The following NRK variants were observed in gnomAD, a reference collection of about 807,000 sequenced individuals.
NRK encodes the protein nik-related protein kinase.
Under a neutral mutation model 125.2 loss-of-function variants are expected in NRK, and 67 were observed. That is an observed-to-expected ratio of 0.54 (90% CI 0.44 to 0.66). The LOEUF (loss-of-function observed/expected upper bound fraction) is 0.66. NRK is among the 30% of genes least tolerant of loss of function. The pLI is 0.00. For synonymous variants in NRK, 458 were observed against 429.0 expected (o/e 1.07, Z -0.84); for missense variants, 1,224 against 1,192.9 (o/e 1.03, Z -0.38).
At chrX:105,857,839 C>T (rs913716100) in intron 2 of NRK, among the ~76,000 whole-genome samples, 15 of 111,526 alleles carry the variant, frequency 1.3e-4, no homozygotes, top group Non-Finnish European at 2.4e-4. Flanking sequence ...TGCGCATAAA[C>T]AAGATTTCCT....
chrX:105,826,344 A>AT (rs778089522), intron 1 of NRK, among the ~76,000 whole-genome samples: 1 of 85,581 alleles, frequency 1.2e-5, no homozygotes, highest in East Asian at 3.5e-4. Flanking sequence ...GATAATATAT[A>AT]GTATATACAT....
At chrX:105,867,147 G>T (rs1385070868) in intron 2 of NRK, among the ~76,000 whole-genome samples, 1 of 111,861 alleles carries the variant, frequency 8.9e-6, no homozygotes, top group Non-Finnish European at 1.9e-5. Flanking sequence ...CTTCAATTTA[G>T]ATTTTAAATT....
At chrX:105,887,761 A>G (rs1046676494) in intron 4 of NRK, among the ~76,000 whole-genome samples, 1 of 112,117 alleles carries the variant, frequency 8.9e-6, no homozygotes, top group Non-Finnish European at 1.9e-5. Flanking sequence ...CTACTGAGAC[A>G]TAAAGTGGAT....
intron 2 of NRK, among the ~76,000 whole-genome samples, chrX:105,875,511 T>C (rs1181797331): frequency 9.0e-6 from 1 of 111,575 alleles, no homozygotes; most frequent in East Asian, 2.8e-4. Context: ...TTAGCTAATA[T>C]TGAGTTTCAT....
chrX:105,843,995 GTGTGTGTGTGTGTGTGTGTGTGTC>G (rs1458766488), intron 2 of NRK, among the ~76,000 whole-genome samples: 2 of 88,116 alleles, frequency 2.3e-5, no homozygotes, highest in Admixed American at 1.1e-4. Context: ...GTGTGTGTGT[GTGTGTGTGTGTGTGTGTGTGTGTC>G]TGTGTGTGTG....
intron 4 of NRK, among the ~76,000 whole-genome samples, chrX:105,886,783 A>G (rs982747130): frequency 5.5e-5 from 6 of 109,759 alleles, no homozygotes; most frequent in Non-Finnish European, 9.5e-5. Context: ...AATAAATAAA[A>G]TGTGAAAAAA....
intron 4 of NRK, among the ~76,000 whole-genome samples, chrX:105,887,438 G>A (rs1602640664): frequency 8.9e-6 from 1 of 112,102 alleles, no homozygotes; most frequent in East Asian, 2.8e-4. Flanking sequence ...AAGTGTTGGT[G>A]ATAGTGTAGA....
In NRK at chrX:105,917,628, G is replaced by C. The variant is rs2040383392; in HGVS notation, c.2468G>C (p.Arg823Thr). 1 of 1,167,065 alleles carries C rather than the reference G, an allele frequency of 8.6e-7. No individual in the cohort carries two copies. The highest frequency in any genetic ancestry group is 2.0e-5 in the South Asian group (1 of 50,881). ...CAAGCTCAGAAGCCCATTGACATCA[G>C]ACAAAGGAGTTCGCAAAATCGTCAA... ...LEQAQKPIDI[R>T]QRSSQNRQNW... The change falls in exon 16 of 29, where the codon AGA becomes ACA. Residue 823 changes from arginine to threonine, a missense_variant. Coordinates refer to ENST00000243300, the MANE Select transcript of NRK (RefSeq NM_198465.4).
intron 5 of NRK, 119 bp from the exon 6 acceptor site, chrX:105,893,713 C>T (rs2040044078): frequency 4.6e-6 from 2 of 439,311 alleles, no homozygotes; most frequent in Admixed American, 3.7e-5. Flanking sequence ...TGAGGCAGTA[C>T]TTGCAGTGCC....
intron 11 of NRK, among the ~76,000 whole-genome samples, chrX:105,906,943 A>G (rs763432219): frequency 1.5e-4 from 17 of 110,960 alleles, no homozygotes; most frequent in Non-Finnish European, 2.6e-4. Flanking sequence ...ATAAAAGGTA[A>G]CAAAATGTAT....
In NRK at chrX:105,898,679, T is replaced by G; in HGVS notation, c.676T>G (p.Cys226Gly). 8.3e-7 allele frequency: 1 copy of G among 1,198,757 alleles called. No homozygotes were observed. The highest frequency in any genetic ancestry group is 1.1e-6 in the Non-Finnish European group (1 of 887,854). The part of the protein sequence containing the change: ...PYWMAPEVID[C>G]DEDPRRSYDY... The stretch of plus-strand genomic sequence containing the variant: ...CTGGATGGCACCTGAGGTGATTGAC[T>G]GTGATGAGGACCCAAGACGCTCCTA... The change falls in exon 8 of 29, where the codon TGT (cysteine) becomes GGT (glycine). Residue 226 changes from cysteine to glycine, a missense_variant. Physicochemically the swap from Cys to Gly is radical, Grantham distance 159 (BLOSUM62 -3). Transcript: ENST00000243300.
intron 23 of NRK, among the ~76,000 whole-genome samples, chrX:105,942,675 G>C (rs759205989): frequency 9.0e-6 from 1 of 111,679 alleles, no homozygotes. Flanking sequence ...CTGGAGTGCA[G>C]TGGAGTGATC....
At chrX:105,897,851 A>G (rs1274683221) in intron 7 of NRK, among the ~76,000 whole-genome samples, 3 of 110,823 alleles carry the variant, frequency 2.7e-5, no homozygotes, top group African/African-American at 9.9e-5. Flanking sequence ...CTTTTTAGTC[A>G]GTTTTGTTCG....
In NRK at chrX:105,936,823, G is replaced by A. The variant is rs1277270200; in HGVS notation, c.3656-616G>A. Among the ~76,000 whole-genome samples the A allele has an allele frequency of 7.2e-5, 8 of 111,159 alleles. No individual in the cohort carries two copies. The Admixed American group carries it at 7.7e-4, about 11-fold the overall frequency. ...TAGAAATTGAGATCCATGAAGGCAG[G>A]AACTAATTTCATAGGCATTTGGCAA... is the stretch of plus-strand genomic sequence containing the variant. On this transcript the variant is annotated intron_variant, in intron 21 of 28. Transcript: ENST00000243300.
upstream of NRK, among the ~76,000 whole-genome samples, chrX:105,822,365 G>A (rs2039031840): frequency 2.7e-5 from 3 of 111,940 alleles, no homozygotes; most frequent in Admixed American, 2.8e-4. Context: ...CTCGCAAACC[G>A]TTATAGTCCT....
intron 12 of NRK, 123 bp from the exon 13 acceptor site, chrX:105,908,604 G>A: frequency 1.1e-6 from 1 of 925,487 alleles, no homozygotes; most frequent in Admixed American, 3.9e-5. Context: ...TTTCAGAAAG[G>A]TTTACTGAAG....
At chrX:105,880,527 T>C (rs942073683) in intron 3 of NRK, among the ~76,000 whole-genome samples, 3 of 111,106 alleles carry the variant, frequency 2.7e-5, no homozygotes, top group Non-Finnish European at 3.8e-5. Flanking sequence ...AATATATCTG[T>C]ACTCCTCTCT....
chrX:105,826,681 A>G (rs970950598), intron 1 of NRK, among the ~76,000 whole-genome samples: 104 of 109,312 alleles, frequency 9.5e-4, no homozygotes, highest in African/African-American at 3.4e-3. Flanking sequence ...CATTAGGCTT[A>G]TATTTAAATA....
At chrX:105,900,524 A>G in intron 8 of NRK, 94 bp from the exon 9 acceptor site, 1 of 539,655 alleles carries the variant, frequency 1.9e-6, no homozygotes, top group Non-Finnish European at 3.2e-6. Context: ...TCTGGCATTG[A>G]CATCCACACC....
Sources: allele counts gnomAD v4.1 joint callset (sites outside exome capture counted in the v4.1 genomes callset), GRCh38; gene constraint gnomAD v4.1.1; transcripts MANE v1.5; gene names NCBI Gene and HGNC (gene_info 2026-07-23, HGNC 2026-07-21).